The following EVL variants were observed in gnomAD, a reference collection of about 807,000 sequenced individuals.
The protein encoded by EVL is Enah/Vasp-like.
EVL carries 21 observed loss-of-function variants against 59.6 expected under a neutral mutation model. The observed-to-expected ratio is 0.35, with a 90% confidence interval of 0.25 to 0.51. The LOEUF (loss-of-function observed/expected upper bound fraction) is 0.51, where lower values mean the gene tolerates loss of function less well. EVL is among the 20% of genes least tolerant of loss of function. The pLI, the probability that EVL is intolerant of heterozygous loss-of-function variation, is 0.97. For synonymous variants in EVL, 198 were observed against 203.5 expected, an observed-to-expected ratio of 0.97 and a Z score of 0.23; for missense variants, 462 against 546.6, an observed-to-expected ratio of 0.85 and a Z score of 1.54.
At chr14:100,036,008 A>G (rs879905730) in intron 1 of EVL, among the ~76,000 whole-genome samples, 46 of 152,312 alleles carry the variant, frequency 3.0e-4, no homozygotes, top group Middle Eastern at 6.8e-3. Flanking sequence ...GCTGAGGACC[A>G]GTACCAGTTC....
intron 1 of EVL, among the ~76,000 whole-genome samples, chr14:100,034,654 T>C (rs548482892): frequency 6.6e-6 from 1 of 151,964 alleles, no homozygotes; most frequent in East Asian, 1.9e-4. Context: ...AAAAAGATCA[T>C]GTGAGCCCAG....
chr14:100,137,852 C>T, intron 11 of EVL, 50 bp downstream of exon 11: 1 of 1,562,572 alleles, frequency 6.4e-7, no homozygotes, highest in Non-Finnish European at 8.8e-7. Flanking sequence ...TGGGGCTCCT[C>T]TGTCCCCCGT....
At chr14:100,018,696 A>ATCAGTT (rs1173693059) in intron 1 of EVL, among the ~76,000 whole-genome samples, 1 of 152,188 alleles carries the variant, frequency 6.6e-6, no homozygotes, top group Non-Finnish European at 1.5e-5. Flanking sequence ...CACTGGGGTC[A>ATCAGTT]AGGGAGAGAA....
intron 1 of EVL, among the ~76,000 whole-genome samples, chr14:100,058,343 C>G (rs2061767453): frequency 6.6e-6 from 1 of 152,202 alleles, no homozygotes; most frequent in East Asian, 1.9e-4. Flanking sequence ...ATATCAGTAT[C>G]CTGTGTGAGT....
intron 1 of EVL, among the ~76,000 whole-genome samples, chr14:100,072,052 A>T (rs1260774596): frequency 6.6e-6 from 1 of 152,212 alleles, no homozygotes; most frequent in Non-Finnish European, 1.5e-5. Flanking sequence ...TACAGTCTAC[A>T]TTCAGTTGGC....
chr14:99,979,231 T>TA (rs796797003), intron 1 of EVL, among the ~76,000 whole-genome samples: 3,050 of 146,978 alleles, frequency 0.021, 81 homozygotes, highest in African/African-American at 0.069. Flanking sequence ...CTGCAGTTGC[T>TA]AAAAAAAAAA....
At chr14:100,103,986 A>G (rs1261196957) in intron 3 of EVL, among the ~76,000 whole-genome samples, 2 of 152,044 alleles carry the variant, frequency 1.3e-5, no homozygotes, top group African/African-American at 2.4e-5. Flanking sequence ...GTGCATATGT[A>G]CTTATTCTGA....
intron 3 of EVL, chr14:100,106,609 C>T (rs936213892): frequency 2.1e-5 from 8 of 378,526 alleles, no homozygotes; most frequent in East Asian, 7.6e-5. Context: ...GCATTATATC[C>T]GAATTTAGGT....
intron 1 of EVL, among the ~76,000 whole-genome samples, chr14:99,985,160 A>G (rs1237479339): frequency 6.6e-6 from 1 of 151,952 alleles, no homozygotes; most frequent in Non-Finnish European, 1.5e-5. Flanking sequence ...TACCTACTAT[A>G]TGCAAGATAG....
intron 1 of EVL, among the ~76,000 whole-genome samples, chr14:100,003,074 C>T (rs1343723404): frequency 6.6e-6 from 1 of 152,188 alleles, no homozygotes; most frequent in African/African-American, 2.4e-5. Context: ...GTACCTATGA[C>T]GTTAATGGTT....
At chr14:100,048,763 A>C (rs564254103) in intron 1 of EVL, among the ~76,000 whole-genome samples, 76 of 152,334 alleles carry the variant, frequency 5.0e-4, no homozygotes, top group African/African-American at 1.7e-3. Context: ...AACAAAAAAA[A>C]CACTAATTAT....
intron 8 of EVL, among the ~76,000 whole-genome samples, chr14:100,133,722 G>A (rs1888591913): frequency 6.6e-6 from 1 of 152,166 alleles, no homozygotes; most frequent in South Asian, 2.1e-4. Flanking sequence ...CGGATCACCT[G>A]AGGTCAGGAG....
intron 1 of EVL, among the ~76,000 whole-genome samples, chr14:100,048,413 G>A (rs1945359432): frequency 6.6e-6 from 1 of 152,182 alleles, no homozygotes; most frequent in African/African-American, 2.4e-5. Context: ...TTAATCATTA[G>A]AGAAATGTAG....
chr14:99,978,327 G>A (rs1257611806), intron 1 of EVL, among the ~76,000 whole-genome samples: 3 of 151,670 alleles, frequency 2.0e-5, no homozygotes, highest in Non-Finnish European at 4.4e-5. Flanking sequence ...GCGCGAACCC[G>A]GGAGGCGGAG....
In EVL at chr14:100,057,414, ACTT is replaced by A. The variant is rs915435062; in HGVS notation, c.6-27272_6-27270del. ...GGGGTTTCTTTATTTGGCCATTCAC[ACTT>A]TCTTTCCAGATGCTGTAACTCTGGA... On this transcript the variant is annotated intron_variant, in intron 1 of 13. Transcript: ENST00000402714. Among the ~76,000 whole-genome samples the A allele has an allele frequency of 1.0e-3, 154 of 152,322 alleles. 1 individual carries two copies. The highest frequency in any genetic ancestry group is 3.4e-3 in the Middle Eastern group (1 of 294).
intron 1 of EVL, among the ~76,000 whole-genome samples, chr14:100,014,004 A>G (rs1393240312): frequency 1.3e-5 from 2 of 152,236 alleles, no homozygotes; most frequent in Admixed American, 6.5e-5. Context: ...CCATCACCTC[A>G]AACATTTATT....
intron 1 of EVL, among the ~76,000 whole-genome samples, chr14:100,023,162 C>G (rs979965122): frequency 1.3e-5 from 2 of 150,828 alleles, no homozygotes; most frequent in Non-Finnish European, 2.9e-5. Context: ...CTAGCTGGCT[C>G]TTGGGGTAGA....
chr14:100,046,677 CAAA>C (rs71113240), intron 1 of EVL, among the ~76,000 whole-genome samples: 12 of 135,388 alleles, frequency 8.9e-5, no homozygotes, highest in Non-Finnish European at 7.8e-5. Context: ...CCCGCGCCGC[CAAA>C]AAAAAAAAAA....
At chr14:100,010,544 T>TAA (rs1279480668) in intron 1 of EVL, among the ~76,000 whole-genome samples, 11 of 152,152 alleles carry the variant, frequency 7.2e-5, no homozygotes, top group Non-Finnish European at 1.5e-4. Context: ...TACAGGCATG[T>TAA]GCCACCTCGC....
Sources: allele counts gnomAD v4.1 joint callset (sites outside exome capture counted in the v4.1 genomes callset), GRCh38; gene constraint gnomAD v4.1.1; transcripts MANE v1.5; gene names NCBI Gene and HGNC (gene_info 2026-07-23, HGNC 2026-07-21).